The following PCDH15 variants were observed in gnomAD, a reference collection of about 807,000 sequenced individuals.
PCDH15 encodes protocadherin related 15, also known as protocadherin-15.
Under a neutral mutation model 178.5 loss-of-function variants are expected in PCDH15, and 129 were observed. The observed-to-expected ratio is 0.72, with a 90% CI of 0.63 to 0.84. PCDH15 has a LOEUF of 0.84. PCDH15 is among the 40% of genes least tolerant of loss of function. The pLI, the probability that PCDH15 is intolerant of heterozygous loss-of-function variation, is 0.00. For synonymous variants in PCDH15, 800 were observed against 732.0 expected, an observed-to-expected ratio of 1.09 and a Z score of -1.50; for missense variants, 2,230 against 2,099.9, an observed-to-expected ratio of 1.06 and a Z score of -1.21.
intron 6 of PCDH15, among the ~76,000 whole-genome samples, chr10:54,343,657 G>A (rs1456246346): frequency 1.4e-5 from 2 of 141,720 alleles, no homozygotes; most frequent in African/African-American, 2.6e-5. Flanking sequence ...GGGGAGGTGG[G>A]AGGGGAGAGG....
At chr10:54,496,201 G>T (rs1486213347) in intron 3 of PCDH15, among the ~76,000 whole-genome samples, 1 of 152,146 alleles carries the variant, frequency 6.6e-6, no homozygotes, top group Admixed American at 6.5e-5. Flanking sequence ...TTGGTCAGGG[G>T]CTGGCAATTT....
intron 9 of PCDH15, among the ~76,000 whole-genome samples, chr10:54,233,195 C>T (rs1030048569): frequency 5.9e-5 from 9 of 152,194 alleles, no homozygotes; most frequent in Admixed American, 1.3e-4. Context: ...CCAACTGTCT[C>T]GGCCTCCCAA....
chr10:54,637,107 C>T (rs2093873173), intron 2 of PCDH15, among the ~76,000 whole-genome samples: 1 of 134,412 alleles, frequency 7.4e-6, no homozygotes, highest in Non-Finnish European at 1.6e-5. Flanking sequence ...AGTCAAGACT[C>T]AACTAAGAAT....
chr10:53,941,892 T>A (rs1181546613), intron 23 of PCDH15, among the ~76,000 whole-genome samples: 1 of 152,188 alleles, frequency 6.6e-6, no homozygotes, highest in Admixed American at 6.5e-5. Flanking sequence ...TATTTTTTTA[T>A]CCATATTTAT....
At chr10:55,204,121 ATGTAATATATTAAATG>A (rs1840329116) in intron 1 of PCDH15, among the ~76,000 whole-genome samples, 1 of 148,776 alleles carries the variant, frequency 6.7e-6, no homozygotes, top group South Asian at 2.1e-4. Flanking sequence ...ATATTTTATA[ATGTAATATATTAAATG>A]TGTAATTTAA....
chr10:55,266,158 A>G (rs1277243547), intron 1 of PCDH15, among the ~76,000 whole-genome samples: 1 of 152,094 alleles, frequency 6.6e-6, no homozygotes, highest in African/African-American at 2.4e-5. Context: ...CTTTCCTTGT[A>G]TAATACACAT....
intron 5 of PCDH15, among the ~76,000 whole-genome samples, chr10:54,362,010 C>G (rs1946123232): frequency 6.6e-6 from 1 of 151,992 alleles, no homozygotes; most frequent in African/African-American, 2.4e-5. Flanking sequence ...ACTTTCTCAT[C>G]TGTAAAATGA....
rs549445862 is a variant in PCDH15 at position 55,225,173 on chromosome 10, CACTT to C, written c.-155-58526_-155-58523del. On this transcript the variant is annotated intron_variant, in intron 1 of 5. Coordinates refer to the PCDH15 transcript ENST00000458638. ...CTTTAGCACTTAGACCAGGAAATAA[CACTT>C]AGTAACAAAAGTACGTAACAAATAA... Among the ~76,000 whole-genome samples, 5 of 151,940 alleles carry C rather than the reference CACTT, an allele frequency of 3.3e-5. No homozygotes were observed. In the South Asian group the frequency reaches 6.2e-4, roughly 19 times the overall value.
chr10:53,984,750 A>C (rs10825183), intron 21 of PCDH15, among the ~76,000 whole-genome samples: 32,279 of 151,886 alleles, frequency 0.21, 3,650 homozygotes, highest in East Asian at 0.41. Context: ...TGTTTTTCCT[A>C]TCTCTCTTTG....
At chr10:53,847,542 T>C (rs2132872584) in intron 28 of PCDH15, among the ~76,000 whole-genome samples, 1 of 152,208 alleles carries the variant, frequency 6.6e-6, no homozygotes, top group Non-Finnish European at 1.5e-5. Flanking sequence ...TGGTAACCTC[T>C]CTGTGGTATC....
At chr10:53,944,717 C>T (rs1246830001) in intron 23 of PCDH15, among the ~76,000 whole-genome samples, 1 of 152,190 alleles carries the variant, frequency 6.6e-6, no homozygotes, top group African/African-American at 2.4e-5. Flanking sequence ...ACTGATGTAG[C>T]TTGAGATAGA....
chr10:55,104,393 A>G lies in PCDH15; in HGVS notation c.-80+62183T>C, dbSNP rs115871726. Reference sequence around the variant, plus strand: ...TAAAATTATGAAAGCACACTTTGCCAGCATTACTTTCTCAAGCTTTAGATT... The same window carrying G: ...TAAAATTATGAAAGCACACTTTGCCGGCATTACTTTCTCAAGCTTTAGATT... On this transcript the variant is annotated intron_variant, in intron 2 of 5. Coordinates refer to the PCDH15 transcript ENST00000458638. Among the ~76,000 whole-genome samples the G allele has an allele frequency of 2.7e-3, 407 of 152,286 alleles. 3 individuals carry two copies. Among genetic ancestry groups the G allele is most frequent in the African/African-American group, 9.4e-3 (390 of 41,556 alleles).
At chr10:54,357,962 T>G (rs979921596) in intron 5 of PCDH15, among the ~76,000 whole-genome samples, 3 of 151,956 alleles carry the variant, frequency 2.0e-5, no homozygotes, top group Non-Finnish European at 4.4e-5. Context: ...GCTAGCCATA[T>G]GGAGAAAGCT....
rs532732440 is a variant in PCDH15 at position 54,256,984 on chromosome 10, C to T, written c.877-20053G>A. On this transcript the variant is annotated intron_variant, in intron 8 of 37. Transcript: ENST00000644397. ...ATATCCCTAGTACATAAAACATTGT[C>T]CTGCACTAAAAGTCTTTCTTGTTCA... 4.6e-5 allele frequency among the ~76,000 whole-genome samples: 7 copies of T among 152,136 alleles called. No homozygotes were observed. In the South Asian group the frequency reaches 1.5e-3, roughly 32 times the overall value.
Position 54,873,759 on chromosome 10 carries a change from C to CGT in PCDH15, c.-29+23689_-29+23690dup, listed in dbSNP as rs931765185. Among the ~76,000 whole-genome samples, 59 of 135,928 alleles carry CGT rather than the reference C, an allele frequency of 4.3e-4. 1 individual carries two copies. Among genetic ancestry groups the CGT allele is most frequent in the East Asian group, 1.9e-3 (9 of 4,652 alleles). The allele number at this position is 135,928 out of a possible 152,430, so 89.2% of individuals were successfully genotyped here. A position where few individuals can be genotyped will look rare whatever the true frequency, so the allele number is the denominator to read the frequency against. ...ATATGTATGTATGTGTATACATATA[C>CGT]GTGTGTGTGTGTGTTGTGTGTGTGT... On this transcript the variant is annotated intron_variant, in intron 3 of 5. Coordinates refer to the PCDH15 transcript ENST00000458638.
intron 2 of PCDH15, among the ~76,000 whole-genome samples, chr10:54,931,844 A>G (rs1837786032): frequency 6.6e-6 from 1 of 152,052 alleles, no homozygotes. Flanking sequence ...TGTTTTCTCT[A>G]TTTCAGAGAG....
At chr10:54,643,127 G>A (rs907227217) in intron 2 of PCDH15, among the ~76,000 whole-genome samples, 1 of 152,102 alleles carries the variant, frequency 6.6e-6, no homozygotes, top group Non-Finnish European at 1.5e-5. Context: ...GTTTCACCAT[G>A]TTGGCCAGGC....
At chr10:54,566,508 A>G (rs2089056242) in intron 2 of PCDH15, among the ~76,000 whole-genome samples, 1 of 152,090 alleles carries the variant, frequency 6.6e-6, no homozygotes, top group Non-Finnish European at 1.5e-5. Context: ...TTCCCTGACC[A>G]CAACCCCCTG....
At chr10:54,952,660 T>G (rs1838374405) in intron 2 of PCDH15, among the ~76,000 whole-genome samples, 1 of 151,800 alleles carries the variant, frequency 6.6e-6, no homozygotes, top group African/African-American at 2.4e-5. Context: ...TAGATATATC[T>G]GATGCACTTT....
Sources: allele counts gnomAD v4.1 joint callset (sites outside exome capture counted in the v4.1 genomes callset), GRCh38; gene constraint gnomAD v4.1.1; transcripts MANE v1.5; gene names NCBI Gene and HGNC (gene_info 2026-07-23, HGNC 2026-07-21).